The following TMEM182 variants were observed in gnomAD, a reference collection of about 807,000 sequenced individuals.
TMEM182 encodes the protein transmembrane protein 182.
Under a neutral mutation model 26.8 loss-of-function variants are expected in TMEM182, and 20 were observed. The observed-to-expected ratio is 0.75, with a 90% CI of 0.53 to 1.09. TMEM182 has a LOEUF of 1.09. Ranked by LOEUF, TMEM182 falls within the 50% of genes least tolerant of loss-of-function variation. The probability of loss-of-function intolerance (pLI) is 0.00; values close to 1 mark genes in which losing one functional copy is unlikely to be tolerated. For missense variants in TMEM182, 277 were observed against 275.5 expected (o/e 1.01, Z -0.04); for synonymous variants, 109 against 102.2 (o/e 1.07, Z -0.40).
At position 102,797,943 on chromosome 2, in the gene TMEM182, G is replaced by A. The variant is rs756459630; in HGVS notation, c.412G>A (p.Ala138Thr). The A allele has an allele frequency of 1.6e-5, 26 of 1,613,964 alleles. No individual in the cohort carries two copies. The highest frequency in any genetic ancestry group is 6.7e-5 in the Admixed American group (4 of 59,978). Reference sequence around the variant, plus strand: ...CGCAAGCTTTTTGATCATCTGTGCAGCCCCCTTCGCCAGCCATTTTCTCTA... The same window carrying A: ...CGCAAGCTTTTTGATCATCTGTGCAACCCCCTTCGCCAGCCATTTTCTCTA... Reference protein sequence around the residue: ...VIASFLIICAAPFASHFLYKA... With the variant: ...VIASFLIICATPFASHFLYKA... The change falls in exon 4 of 5, where the codon GCC (alanine) becomes ACC (threonine). Residue 138 changes from alanine (A) to threonine (T), a missense_variant. Physicochemically the swap from Ala to Thr is moderately conservative, Grantham distance 58. Transcript: ENST00000412401.
At chr2:102,827,727 C>T (rs1683062414) in intron 3 of TMEM182, among the ~76,000 whole-genome samples, 1 of 152,192 alleles carries the variant, frequency 6.6e-6, no homozygotes. Flanking sequence ...TACCCTACAC[C>T]AGACTGGAAT....
At chr2:102,813,902 CTCCT>C (rs1159283250) in intron 4 of TMEM182, among the ~76,000 whole-genome samples, 2 of 151,782 alleles carry the variant, frequency 1.3e-5, no homozygotes, top group African/African-American at 4.8e-5. Flanking sequence ...CCCTCTGTCC[CTCCT>C]TCCTTCCTTC....
chr2:102,763,405 C>T (rs1680294745), intron 2 of TMEM182, among the ~76,000 whole-genome samples: 2 of 152,014 alleles, frequency 1.3e-5, no homozygotes, highest in Admixed American at 6.6e-5. Flanking sequence ...AATGAAAGGG[C>T]TGTTTATTAG....
intron 3 of TMEM182, among the ~76,000 whole-genome samples, chr2:102,841,628 TC>T (rs1683352895): frequency 6.6e-6 from 1 of 152,220 alleles, no homozygotes; most frequent in African/African-American, 2.4e-5. Context: ...TGAACTAAGT[TC>T]ACCAGATCTT....
chr2:102,771,977 T>C (rs1016752073), intron 3 of TMEM182, among the ~76,000 whole-genome samples: 1 of 152,202 alleles, frequency 6.6e-6, no homozygotes, highest in Non-Finnish European at 1.5e-5. Context: ...TGAGGCCATC[T>C]AGACATTTAG....
chr2:102,785,911 C>T (rs753928150), intron 3 of TMEM182, among the ~76,000 whole-genome samples: 21 of 152,120 alleles, frequency 1.4e-4, no homozygotes, highest in Non-Finnish European at 2.5e-4. Context: ...TTATTTTCTA[C>T]TGTCTGTACA....
At position 102,797,880 on chromosome 2, in the gene TMEM182, G is replaced by A; in HGVS notation, c.349G>A (p.Ala117Thr). 1 of 1,613,390 alleles carries A rather than the reference G, an allele frequency of 6.2e-7. No homozygotes were observed. Among genetic ancestry groups the A allele is most frequent in the Non-Finnish European group, 8.5e-7 (1 of 1,179,798 alleles). Residue 117 changes from alanine (A) to threonine (T), a missense_variant, in exon 4 of 5, where the codon GCA (alanine) becomes ACA (threonine). Ala to Thr is a moderately conservative substitution (Grantham distance 58, BLOSUM62 0). Transcript: ENST00000412401. ...GTCTCCAGTTTACCGTGGTTTCTGG[G>A]CAGTCCTGATGCTCCTGGGGGTAGT... ...DSAVIYRGFW[A>T]VLMLLGVVAV... is the part of the protein sequence containing the mutation.
chr2:102,826,225 G>A (rs1214523453), intron 3 of TMEM182, among the ~76,000 whole-genome samples: 1 of 150,878 alleles, frequency 6.6e-6, no homozygotes, highest in Non-Finnish European at 1.5e-5. Flanking sequence ...CCTCGGGTAA[G>A]TTACTGAGGC....
chr2:102,786,213 T>TTTTG (rs1230546949), intron 3 of TMEM182, among the ~76,000 whole-genome samples: 1 of 143,206 alleles, frequency 7.0e-6, no homozygotes, highest in Non-Finnish European at 1.5e-5. Flanking sequence ...GCAATCTGTT[T>TTTTG]TTTTTTTTTT....
chr2:102,834,366 T>G (rs1184879099), intron 3 of TMEM182: 5 of 985,148 alleles, frequency 5.1e-6, no homozygotes, highest in Non-Finnish European at 3.6e-6. Context: ...TTTCCCTTTT[T>G]TTTTCCTTCT....
downstream of TMEM182, among the ~76,000 whole-genome samples, chr2:102,821,455 G>A (rs1385164321): frequency 2.0e-5 from 3 of 151,960 alleles, no homozygotes; most frequent in African/African-American, 4.8e-5. Context: ...TCTTGCTCCC[G>A]CTCAGCCATG....
At chr2:102,793,346 C>A (rs868411031) in intron 3 of TMEM182, among the ~76,000 whole-genome samples, 31 of 152,208 alleles carry the variant, frequency 2.0e-4, no homozygotes, top group Admixed American at 3.3e-4. Flanking sequence ...GGACAGAAAA[C>A]GTTCCCATGA....
chr2:102,758,158 G>T (rs943965344), upstream of TMEM182, among the ~76,000 whole-genome samples: 4 of 152,158 alleles, frequency 2.6e-5, no homozygotes, highest in African/African-American at 9.7e-5. Flanking sequence ...TTTATTATAG[G>T]ATTATTAGGA....
chr2:102,786,941 T>A (rs77591735), intron 3 of TMEM182, among the ~76,000 whole-genome samples: 2,582 of 152,286 alleles, frequency 0.017, 81 homozygotes, highest in African/African-American at 0.06. Flanking sequence ...AGCGCTGACC[T>A]TCATCCCAAT....
intron 3 of TMEM182, among the ~76,000 whole-genome samples, chr2:102,777,301 T>C (rs998412066): frequency 7.2e-5 from 11 of 152,156 alleles, no homozygotes; most frequent in Admixed American, 7.2e-4. Flanking sequence ...CTATGATTTA[T>C]TTTGAGTCAA....
chr2:102,762,685 C>T lies in TMEM182; in HGVS notation c.231C>T (p.Tyr77=), dbSNP rs148918467. ...ENDSNIWKFW[Y]TNQPPSKNCT... is the part of the protein sequence containing the mutation. Reference sequence around the variant, plus strand: ...ACTCCAATATTTGGAAGTTCTGGTACAGTAAGTACAATTTAGCTTTATTTT... The same window carrying T: ...ACTCCAATATTTGGAAGTTCTGGTATAGTAAGTACAATTTAGCTTTATTTT... The change falls in exon 2 of 5, where the codon TAC becomes TAT. Residue 77 remains tyrosine (Y), a splice_region_variant and synonymous_variant. Transcript: ENST00000412401. 120 of 1,610,828 alleles carry T rather than the reference C, an allele frequency of 7.4e-5. No homozygotes were observed. Among genetic ancestry groups the T allele is most frequent in the Admixed American group, 1.0e-4 (6 of 59,766 alleles).
intron 3 of TMEM182, among the ~76,000 whole-genome samples, chr2:102,772,071 G>C (rs1481942087): frequency 1.3e-5 from 2 of 152,080 alleles, no homozygotes; most frequent in African/African-American, 2.4e-5. Context: ...TCCAGGTCTG[G>C]GCCCAAACAC....
intron 3 of TMEM182, among the ~76,000 whole-genome samples, chr2:102,772,220 A>C (rs1680706240): frequency 6.6e-6 from 1 of 152,140 alleles, no homozygotes; most frequent in Non-Finnish European, 1.5e-5. Flanking sequence ...CTTAGGAGAG[A>C]GCATCAACTA....
chr2:102,808,408 T>C (rs1573559804), intron 4 of TMEM182, among the ~76,000 whole-genome samples: 1 of 152,112 alleles, frequency 6.6e-6, no homozygotes, highest in Non-Finnish European at 1.5e-5. Flanking sequence ...ATGTTCTCAG[T>C]TGGATTTAGC....
Sources: allele counts gnomAD v4.1 joint callset (sites outside exome capture counted in the v4.1 genomes callset), GRCh38; gene constraint gnomAD v4.1.1; transcripts MANE v1.5; gene names NCBI Gene and HGNC (gene_info 2026-07-23, HGNC 2026-07-21).